STIM2: variants seen among roughly 807,000 people sequenced by gnomAD.
STIM2 encodes the protein stromal interaction molecule 2.
In STIM2, 31 loss-of-function variants were observed where a neutral mutation model predicts 85.8. The observed-to-expected ratio is 0.36, with a 90% CI of 0.27 to 0.49. STIM2 has a LOEUF of 0.49. STIM2 is among the 20% of genes least tolerant of loss of function. The probability of loss-of-function intolerance (pLI) is 0.98; values close to 1 mark genes in which losing one functional copy is unlikely to be tolerated. For synonymous variants in STIM2, 356 were observed against 331.1 expected (o/e 1.08, Z -0.82); for missense variants, 841 against 927.6 (o/e 0.91, Z 1.21).
intron 1 of STIM2, among the ~76,000 whole-genome samples, chr4:26,886,019 G>A (rs765428129): frequency 2.8e-4 from 42 of 151,200 alleles, no homozygotes; most frequent in African/African-American, 1.5e-4. Flanking sequence ...ATCACCATGC[G>A]CCAGTTCCTC....
At chr4:26,989,546 A>G (rs376428484) in intron 3 of STIM2, among the ~76,000 whole-genome samples, 1 of 152,350 alleles carries the variant, frequency 6.6e-6, no homozygotes, top group Non-Finnish European at 1.5e-5. Flanking sequence ...TTCCACTAAG[A>G]TCTGAAACAA....
chr4:26,887,183 C>CTTTTTT (rs34736602), intron 1 of STIM2, among the ~76,000 whole-genome samples: 8 of 70,946 alleles, frequency 1.1e-4, no homozygotes, highest in East Asian at 4.8e-4. Context: ...AATAATTAAA[C>CTTTTTT]TTTTTTTTTT....
intron 1 of STIM2, among the ~76,000 whole-genome samples, chr4:26,918,170 A>G (rs1724658962): frequency 6.6e-6 from 1 of 152,074 alleles, no homozygotes. Flanking sequence ...TAAAAATGTT[A>G]AAACACCAAA....
At chr4:26,870,004 C>T (rs981106785) in intron 1 of STIM2, among the ~76,000 whole-genome samples, 3 of 151,846 alleles carry the variant, frequency 2.0e-5, no homozygotes, top group East Asian at 1.9e-4. Context: ...CTGCCATTTG[C>T]GGCAACATGG....
chr4:26,909,990 T>C (rs966689712), intron 1 of STIM2, among the ~76,000 whole-genome samples: 8 of 152,216 alleles, frequency 5.3e-5, no homozygotes, highest in Non-Finnish European at 7.3e-5. Context: ...TGGAGAGAAG[T>C]TGAAAACTGC....
At position 27,002,271 on chromosome 4, in the gene STIM2, G is replaced by T; in HGVS notation, c.680G>T (p.Gly227Val). 2.5e-6 allele frequency: 4 copies of T among 1,613,466 alleles called. No homozygotes were observed. The highest frequency in any genetic ancestry group is 1.7e-6 in the Non-Finnish European group (2 of 1,179,834). Reference sequence around the variant, plus strand: ...ATCCTCACAGTTTCTATAGTAATTGGTGTTGGAGGCTGCTGGTTTGCTTAT... The same window carrying T: ...ATCCTCACAGTTTCTATAGTAATTGTTGTTGGAGGCTGCTGGTTTGCTTAT... Residue 227 changes from glycine to valine, a missense_variant, in exon 6 of 12, where the codon GGT (glycine) becomes GTT (valine). Around this residue, in one of 3 missense-constraint regions of STIM2, gnomAD observed 408 missense variants for 525.4 expected, o/e 0.78. Coordinates refer to ENST00000467087, the MANE Select transcript of STIM2 (RefSeq NM_020860.4).
intron 1 of STIM2, among the ~76,000 whole-genome samples, chr4:26,912,051 C>T (rs1724363462): frequency 6.6e-6 from 1 of 152,256 alleles, no homozygotes; most frequent in Non-Finnish European, 1.5e-5. Flanking sequence ...TGAAAATTTT[C>T]TCGAGAATTT....
rs1001389232 is a variant in STIM2 at position 27,022,412 on chromosome 4, CTT to C, written c.1764-104_1764-103del. On this transcript the variant is annotated intron_variant, in intron 11 of 11. Coordinates refer to ENST00000467087, the MANE Select transcript of STIM2 (RefSeq NM_020860.4). ...GTATATAGAATCATATCATTTCCCT[CTT>C]TTAAATTTCAAAAAGCAATGAAAGT... is the stretch of plus-strand genomic sequence containing the variant. 1.4e-5 allele frequency: 13 copies of C among 903,742 alleles called. No homozygotes were observed. In the African/African-American group the frequency reaches 1.7e-4, roughly 12 times the overall value. The allele number at this position is 903,742 out of a possible 1,614,324, so 56.0% of individuals were successfully genotyped here.
intron 2 of STIM2, among the ~76,000 whole-genome samples, chr4:26,944,646 TTTA>T (rs572060634): frequency 8.7e-4 from 133 of 152,292 alleles, no homozygotes; most frequent in Non-Finnish European, 1.4e-3. Context: ...ATTGTAAAAG[TTTA>T]TTTTTTTCTA....
chr4:26,970,215 ATATATATG>A (rs1231865943), intron 3 of STIM2, among the ~76,000 whole-genome samples: 4 of 9,772 alleles, frequency 4.1e-4, no homozygotes, highest in African/African-American at 1.1e-3. Flanking sequence ...ATATATATAT[ATATATATG>A]TATATATATA....
intron 7 of STIM2, 47 bp downstream of exon 7, chr4:27,003,151 C>T: frequency 6.6e-7 from 1 of 1,513,354 alleles, no homozygotes; most frequent in Non-Finnish European, 8.8e-7. Flanking sequence ...TTAACATTGC[C>T]ACTCTGAGGA....
At chr4:26,938,320 C>G (rs1235201944) in intron 2 of STIM2, among the ~76,000 whole-genome samples, 1 of 151,986 alleles carries the variant, frequency 6.6e-6, no homozygotes. Flanking sequence ...GCAGTCTTAT[C>G]ACCTCACATG....
chr4:26,949,645 T>G (rs1725971017), intron 2 of STIM2, among the ~76,000 whole-genome samples: 1 of 152,184 alleles, frequency 6.6e-6, no homozygotes, highest in Admixed American at 6.5e-5. Context: ...CTGCTTCCTG[T>G]GTCTCACTCT....
At chr4:26,934,690 A>G (rs10939142) in intron 2 of STIM2, among the ~76,000 whole-genome samples, 93,625 of 151,966 alleles carry the variant, frequency 0.62, 29,996 homozygotes, top group African/African-American at 0.81. Flanking sequence ...GAGGTGGGTG[A>G]ATCTCCTGAG....
At chr4:26,986,269 T>C (rs1264657382) in intron 3 of STIM2, among the ~76,000 whole-genome samples, 2 of 152,252 alleles carry the variant, frequency 1.3e-5, no homozygotes, top group Non-Finnish European at 2.9e-5. Flanking sequence ...AAATGTTTGG[T>C]ACTACTATTA....
At chr4:26,877,877 C>A (rs892407302) in intron 1 of STIM2, among the ~76,000 whole-genome samples, 2 of 152,110 alleles carry the variant, frequency 1.3e-5, no homozygotes, top group African/African-American at 4.8e-5. Flanking sequence ...GAGCTCTACC[C>A]TCATAAGTGG....
rs533752056 is a variant in STIM2 at position 26,998,043 on chromosome 4, A to G, written c.510-1189A>G. ...TATGTAACCTTAGGCAAGTTACTCAACCTCTCACAAGTATCTTCACCTATA... is the reference window on the plus strand; with the variant it reads ...TATGTAACCTTAGGCAAGTTACTCAGCCTCTCACAAGTATCTTCACCTATA... On this transcript the variant is annotated intron_variant, in intron 4 of 11. Transcript: ENST00000467087. 6.6e-5 allele frequency among the ~76,000 whole-genome samples: 10 copies of G among 152,280 alleles called. No homozygotes were observed. In the South Asian group the frequency reaches 1.0e-3, roughly 16 times the overall value.
Position 27,023,655 on chromosome 4 carries a change from A to C in STIM2, c.*659A>C, listed in dbSNP as rs1728989456. On this transcript the variant is annotated 3_prime_UTR_variant, in exon 12 of 12. Transcript: ENST00000467087. ...GGAAGCTTCTTGAACTGCATTTACT[A>C]TTGTGAAGTTTCAAGTCCCGCTGTA... 1 of 152,464 alleles carries C rather than the reference A, an allele frequency of 6.6e-6. No homozygotes were observed. The highest frequency in any genetic ancestry group is 2.4e-5 in the African/African-American group (1 of 41,444). The allele number at this position is 152,464 out of a possible 1,614,324, so 9.4% of individuals were successfully genotyped here.
rs1729033235 is a variant in STIM2 at position 27,024,896 on chromosome 4, TTGCAGTTGGATGAA to T, written c.*1902_*1915del. ...GAAAATTGCAAAAGGAATGAGAACT[TTGCAGTTGGATGAA>T]TAGAGAAGGGAAAAGTTGCTGGAGC... On this transcript the variant is annotated 3_prime_UTR_variant, in exon 12 of 12. Transcript: ENST00000467087. The T allele has an allele frequency of 6.6e-6, 1 of 152,172 alleles. No individual in the cohort carries two copies. Among genetic ancestry groups the T allele is most frequent in the African/African-American group, 2.4e-5 (1 of 41,420 alleles). 9.4% of individuals were successfully genotyped at this position (152,172 alleles called of 1,614,324 possible).
Sources: allele counts gnomAD v4.1 joint callset (sites outside exome capture counted in the v4.1 genomes callset), GRCh38; gene constraint gnomAD v4.1.1; regional missense constraint gnomAD v4.1.1; transcripts MANE v1.5; gene names NCBI Gene and HGNC (gene_info 2026-07-23, HGNC 2026-07-21).